GRM7: variants seen among roughly 807,000 people sequenced by gnomAD.
GRM7 encodes metabotropic glutamate receptor 7.
A neutral mutation model predicts 84.5 loss-of-function variants in GRM7; 35 were observed. The observed-to-expected ratio is 0.41, with a 90% CI of 0.32 to 0.55. The LOEUF (loss-of-function observed/expected upper bound fraction) is 0.55. Among genes scored for constraint, GRM7 ranks in the 20% least tolerant of loss-of-function variants. GRM7 has a pLI of 0.19. For missense variants in GRM7, 1,003 were observed against 1,194.6 expected, an observed-to-expected ratio of 0.84 and a Z score of 2.36; for synonymous variants, 487 against 455.1, an observed-to-expected ratio of 1.07 and a Z score of -0.89.
intron 7 of GRM7, among the ~76,000 whole-genome samples, chr3:7,546,130 C>G (rs1408070260): frequency 6.6e-6 from 1 of 152,094 alleles, no homozygotes; most frequent in Non-Finnish European, 1.5e-5. Flanking sequence ...TGCAAGGAGT[C>G]TAAATTCAGA....
intron 2 of GRM7, among the ~76,000 whole-genome samples, chr3:7,163,101 A>G (rs1488425971): frequency 1.3e-5 from 2 of 151,988 alleles, no homozygotes; most frequent in Non-Finnish European, 2.9e-5. Flanking sequence ...CCTATTCTGC[A>G]TCTTCCTCCT....
At chr3:7,232,276 C>T (rs1303841790) in intron 2 of GRM7, among the ~76,000 whole-genome samples, 1 of 151,910 alleles carries the variant, frequency 6.6e-6, no homozygotes, top group Admixed American at 6.6e-5. Context: ...TGAATTCACT[C>T]TGTTGGTTCT....
At chr3:7,172,557 C>A (rs1247490519) in intron 2 of GRM7, among the ~76,000 whole-genome samples, 1 of 142,130 alleles carries the variant, frequency 7.0e-6, no homozygotes, top group East Asian at 2.3e-4. Flanking sequence ...CCCGCCCCCC[C>A]CACATATATC....
chr3:7,135,359 T>C (rs568946026), intron 1 of GRM7, among the ~76,000 whole-genome samples: 48 of 152,328 alleles, frequency 3.2e-4, no homozygotes, highest in Admixed American at 2.8e-3. Flanking sequence ...GTGAAATTAC[T>C]ACTAACTGTG....
intron 1 of GRM7, among the ~76,000 whole-genome samples, chr3:7,118,909 C>T (rs1428366058): frequency 1.3e-5 from 2 of 152,112 alleles, no homozygotes; most frequent in Non-Finnish European, 2.9e-5. Context: ...GGTGGTTACA[C>T]TTACATTTTG....
intron 9 of GRM7, among the ~76,000 whole-genome samples, chr3:7,734,712 C>T (rs1360988059): frequency 6.6e-6 from 1 of 152,164 alleles, no homozygotes; most frequent in Non-Finnish European, 1.5e-5. Context: ...AGAAAGTCTC[C>T]ATTGTTTTAT....
intron 1 of GRM7, among the ~76,000 whole-genome samples, chr3:6,972,588 GC>G (rs1693802142): frequency 6.6e-6 from 1 of 152,174 alleles, no homozygotes; most frequent in South Asian, 2.1e-4. Context: ...ATGTCAAAAG[GC>G]CTATTGGCAA....
At chr3:7,319,880 C>A (rs1700712195) in intron 4 of GRM7, among the ~76,000 whole-genome samples, 2 of 151,844 alleles carry the variant, frequency 1.3e-5, no homozygotes, top group African/African-American at 4.8e-5. Flanking sequence ...CTAAGATATG[C>A]AAGTCTTAAA....
chr3:6,933,756 A>T (rs914356624), intron 1 of GRM7, among the ~76,000 whole-genome samples: 12 of 142,398 alleles, frequency 8.4e-5, no homozygotes, highest in Non-Finnish European at 1.6e-4. Context: ...AACAAAACAA[A>T]ACATTGCCAG....
At chr3:6,940,393 TTTTAA>T (rs1697849260) in intron 1 of GRM7, among the ~76,000 whole-genome samples, 1 of 152,170 alleles carries the variant, frequency 6.6e-6, no homozygotes, top group Non-Finnish European at 1.5e-5. Context: ...CCCGGCCCGT[TTTTAA>T]TTTAAGTGAG....
chr3:7,459,806 A>C (rs2124905052), intron 6 of GRM7, among the ~76,000 whole-genome samples: 1 of 152,212 alleles, frequency 6.6e-6, no homozygotes, highest in Middle Eastern at 3.4e-3. Context: ...TTCCTGTGAC[A>C]GAGTTGGATT....
At chr3:7,656,510 CAAAT>C (rs1699187933) in intron 8 of GRM7, among the ~76,000 whole-genome samples, 1 of 81,630 alleles carries the variant, frequency 1.2e-5, no homozygotes, top group African/African-American at 3.9e-5. Flanking sequence ...AACAAACAAA[CAAAT>C]AAAAAAAAAT....
At chr3:6,925,331 G>A (rs1365978721) in intron 1 of GRM7, among the ~76,000 whole-genome samples, 1 of 152,162 alleles carries the variant, frequency 6.6e-6, no homozygotes, top group East Asian at 1.9e-4. Flanking sequence ...ATGAATTAAT[G>A]AATGAATGAA....
intron 1 of GRM7, among the ~76,000 whole-genome samples, chr3:6,946,177 G>A (rs904117972): frequency 7.2e-5 from 11 of 152,244 alleles, no homozygotes; most frequent in African/African-American, 1.9e-4. Context: ...TCCTTCTAGG[G>A]TTTTTATGGT....
intron 1 of GRM7, among the ~76,000 whole-genome samples, chr3:7,103,406 G>C (rs1699177154): frequency 6.6e-6 from 1 of 151,772 alleles, no homozygotes; most frequent in African/African-American, 2.4e-5. Flanking sequence ...TCTCTGCTCA[G>C]CTTTTTCAAA....
chr3:7,313,279 C>T (rs1257534373), intron 4 of GRM7, among the ~76,000 whole-genome samples: 2 of 152,172 alleles, frequency 1.3e-5, no homozygotes, highest in Admixed American at 1.3e-4. Flanking sequence ...CTTGGAGCTG[C>T]TATAGCCATC....
intron 7 of GRM7, among the ~76,000 whole-genome samples, chr3:7,491,468 A>T (rs549309144): frequency 1.1e-4 from 17 of 152,172 alleles, no homozygotes; most frequent in African/African-American, 3.9e-4. Flanking sequence ...TAAAAGTAAG[A>T]TCCTCTGGTT....
chr3:7,097,808 A>T (rs757243235), intron 1 of GRM7, among the ~76,000 whole-genome samples: 1 of 152,060 alleles, frequency 6.6e-6, no homozygotes, highest in African/African-American at 2.4e-5. Flanking sequence ...CTCATTTGAC[A>T]TTCGAAGCCA....
chr3:6,910,721 T>C (rs1559323439), intron 1 of GRM7, among the ~76,000 whole-genome samples: 2 of 152,116 alleles, frequency 1.3e-5, no homozygotes, highest in Non-Finnish European at 2.9e-5. Flanking sequence ...ACCCACCTCT[T>C]AACAAACAAA....
Sources: allele counts gnomAD v4.1 joint callset (sites outside exome capture counted in the v4.1 genomes callset), GRCh38; gene constraint gnomAD v4.1.1; transcripts MANE v1.5; gene names NCBI Gene and HGNC (gene_info 2026-07-23, HGNC 2026-07-21).